The following CHD7 variants were observed in gnomAD, a reference collection of about 807,000 sequenced individuals.
CHD7 encodes chromodomain helicase DNA binding protein 7, also known as ATP-dependent chromatin remodeler CHD7.
In CHD7, 24 loss-of-function variants were observed where a neutral mutation model predicts 307.3. The observed-to-expected ratio is 0.08, with a 90% confidence interval of 0.06 to 0.11. The LOEUF is 0.11. CHD7 is among the 10% of genes least tolerant of loss of function. The pLI is 1.00. For synonymous variants in CHD7, 1,363 were observed against 1,349.9 expected (o/e 1.01, Z -0.21); for missense variants, 3,106 against 3,727.1 (o/e 0.83, Z 4.34).
chr8:60,719,887 C>G (rs1435439974), intron 1 of CHD7, among the ~76,000 whole-genome samples: 1 of 152,166 alleles, frequency 6.6e-6, no homozygotes, highest in Non-Finnish European at 1.5e-5. Context: ...GCAAAAAAAT[C>G]ATAATAAATT....
intron 15 of CHD7, among the ~76,000 whole-genome samples, chr8:60,834,345 A>G (rs919204658): frequency 6.6e-6 from 1 of 152,234 alleles, no homozygotes; most frequent in Non-Finnish European, 1.5e-5. Flanking sequence ...ACCAAATGTC[A>G]TAAGAGTAAA....
At chr8:60,826,136 A>T (rs1804245793) in intron 13 of CHD7, among the ~76,000 whole-genome samples, 1 of 152,168 alleles carries the variant, frequency 6.6e-6, no homozygotes, top group Non-Finnish European at 1.5e-5. Flanking sequence ...ACGTATAGAA[A>T]ATGATAGTAG....
intron 34 of CHD7, 120 bp from the exon 35 acceptor site, chr8:60,860,784 T>A: frequency 1.3e-6 from 1 of 785,758 alleles, no homozygotes; most frequent in East Asian, 2.6e-5. Context: ...ACATTGTTTC[T>A]AGTAACTATT....
chr8:60,680,618 C>T (rs1331334440), intron 1 of CHD7, among the ~76,000 whole-genome samples: 1 of 152,164 alleles, frequency 6.6e-6, no homozygotes, highest in Non-Finnish European at 1.5e-5. Context: ...AAGCGAGCGG[C>T]GCGGAGAGTG....
intron 2 of CHD7, among the ~76,000 whole-genome samples, chr8:60,774,496 C>T (rs1374408415): frequency 6.6e-6 from 1 of 152,204 alleles, no homozygotes; most frequent in African/African-American, 2.4e-5. Flanking sequence ...TTCCCATTGC[C>T]CTAGAAGGGC....
intron 23 of CHD7, among the ~76,000 whole-genome samples, chr8:60,846,914 G>A (rs940777826): frequency 1.3e-5 from 2 of 152,180 alleles, no homozygotes; most frequent in Non-Finnish European, 2.9e-5. Context: ...TGGGGCTGTG[G>A]TGAGGCTCTG....
At position 60,837,567 on chromosome 8, in the gene CHD7, A is replaced by G. The variant is rs184768161; in HGVS notation, c.4186-101A>G. On this transcript the variant is annotated intron_variant, in intron 17 of 37. Transcript: ENST00000423902. ...TTACTTCCCTAAGGCGCCACCTCCA[A>G]ATACCATCACATTGGAATGAGGGTT... The G allele has an allele frequency of 5.3e-4, 576 of 1,090,552 alleles. No individual in the cohort carries two copies. The Middle Eastern group carries it at 5.5e-3, about 10-fold the overall frequency. 67.6% of individuals were successfully genotyped at this position (1,090,552 alleles called of 1,614,324 possible).
chr8:60,783,566 T>G (rs1811360433), intron 3 of CHD7, among the ~76,000 whole-genome samples: 1 of 152,168 alleles, frequency 6.6e-6, no homozygotes, highest in African/African-American at 2.4e-5. Context: ...AAGAAAAGGG[T>G]GTATTTTCTC....
intron 1 of CHD7, among the ~76,000 whole-genome samples, chr8:60,710,075 A>C (rs1318407020): frequency 1.4e-5 from 2 of 147,002 alleles, no homozygotes; most frequent in African/African-American, 5.0e-5. Context: ...TCCCAATGTC[A>C]CTTTTTTTTT....
rs535875918 is a variant in CHD7 at position 60,764,235 on chromosome 8, C to T, written c.1666-16765C>T. Reference sequence around the variant, plus strand: ...CAATCTCCTGACCTCGTGATCCGCCCGCCTCGGCCTCCCAAAGTGCTGGGA... The same window carrying T: ...CAATCTCCTGACCTCGTGATCCGCCTGCCTCGGCCTCCCAAAGTGCTGGGA... On this transcript the variant is annotated intron_variant, in intron 2 of 37. Coordinates refer to ENST00000423902, the MANE Select transcript of CHD7 (RefSeq NM_017780.4). Among the ~76,000 whole-genome samples, 8 of 152,212 alleles carry T rather than the reference C, an allele frequency of 5.3e-5. No homozygotes were observed. The East Asian group carries it at 5.8e-4, about 11-fold the overall frequency.
In CHD7 at chr8:60,742,941, T is replaced by C. The variant is rs781747269; in HGVS notation, c.1509T>C (p.Gly503=). The part of the protein sequence containing the change: ...ERLIPGQQHP[G]QQPSFQQLPT... ...TGATACCTGGCCAACAACATCCTGG[T>C]CAACAGCCATCTTTTCAGCAGTTGC... Residue 503 remains glycine (G), a synonymous_variant, in exon 2 of 38, where the codon GGT becomes GGC. Coordinates refer to ENST00000423902, the MANE Select transcript of CHD7 (RefSeq NM_017780.4). The C allele has an allele frequency of 6.2e-7, 1 of 1,613,308 alleles. No homozygotes were observed.
At chr8:60,808,140 A>G (rs1812625256) in intron 6 of CHD7, 77 bp from the exon 7 acceptor site, 7 of 966,660 alleles carry the variant, frequency 7.2e-6, no homozygotes, top group Middle Eastern at 2.5e-4. Context: ...TTGTGCTCAT[A>G]TGGGAGTAAA....
intron 12 of CHD7, 137 bp from the exon 13 acceptor site, chr8:60,823,703 T>G (rs1357831173): frequency 6.7e-6 from 5 of 751,794 alleles, no homozygotes; most frequent in Non-Finnish European, 1.1e-5. Context: ...CAAAATAACT[T>G]GAAAACAGAA....
chr8:60,821,714 A>G (rs946190287), intron 9 of CHD7, 76 bp from the exon 10 acceptor site: 2 of 1,245,460 alleles, frequency 1.6e-6, no homozygotes, highest in South Asian at 1.6e-5. Context: ...GTATAAACAT[A>G]TATATACACA....
chr8:60,806,192 C>G (rs1026726452), intron 6 of CHD7, among the ~76,000 whole-genome samples: 1 of 152,114 alleles, frequency 6.6e-6, no homozygotes, highest in African/African-American at 2.4e-5. Context: ...GAAACCCCGT[C>G]TCTACTAAAA....
intron 22 of CHD7, 50 bp from the exon 23 acceptor site, chr8:60,845,200 T>C (rs1454798608): frequency 6.3e-7 from 1 of 1,582,666 alleles, no homozygotes; most frequent in East Asian, 2.2e-5. Flanking sequence ...CCATTGACAC[T>C]ATAATTGGAA....
rs572474586 is a variant in CHD7 at position 60,731,607 on chromosome 8, C to T, written c.-174-9652C>T. Among the ~76,000 whole-genome samples the T allele has an allele frequency of 3.3e-5, 5 of 152,334 alleles. No individual in the cohort carries two copies. The South Asian group carries it at 6.2e-4, about 19-fold the overall frequency. The stretch of plus-strand genomic sequence containing the variant: ...AAATGACTGTGAAATATTGGATATG[C>T]AACTGTTAACTCTGTATTTCAGCCT... On this transcript the variant is annotated intron_variant, in intron 1 of 37. Coordinates refer to ENST00000423902, the MANE Select transcript of CHD7 (RefSeq NM_017780.4).
intron 1 of CHD7, among the ~76,000 whole-genome samples, chr8:60,735,069 C>T (rs1808632793): frequency 6.6e-6 from 1 of 152,146 alleles, no homozygotes; most frequent in Non-Finnish European, 1.5e-5. Flanking sequence ...TTGGGAAATG[C>T]ACTGAATATG....
At chr8:60,851,516 T>C (rs1805455570) in intron 28 of CHD7, among the ~76,000 whole-genome samples, 197 bp downstream of exon 28, 1 of 152,236 alleles carries the variant, frequency 6.6e-6, no homozygotes, top group Non-Finnish European at 1.5e-5. Context: ...ATAGGATAAC[T>C]ATTTCTTTGA....
Sources: allele counts gnomAD v4.1 joint callset (sites outside exome capture counted in the v4.1 genomes callset), GRCh38; gene constraint gnomAD v4.1.1; transcripts MANE v1.5; gene names NCBI Gene and HGNC (gene_info 2026-07-23, HGNC 2026-07-21).